MITF: variants seen among roughly 807,000 people sequenced by gnomAD.
MITF encodes the protein melanocyte inducing transcription factor.
In MITF, 17 loss-of-function variants were observed where a neutral mutation model predicts 60.5. That is an observed-to-expected ratio of 0.28 (90% confidence interval 0.19 to 0.42). The LOEUF is 0.42. Among genes scored for constraint, MITF ranks in the 10% least tolerant of loss-of-function variants. The pLI is 1.00. For synonymous variants in MITF, 260 were observed against 248.5 expected, an observed-to-expected ratio of 1.05 and a Z score of -0.43; for missense variants, 622 against 683.5, an observed-to-expected ratio of 0.91 and a Z score of 1.00.
chr3:69,743,817 G>A (rs1053360539), intron 1 of MITF, among the ~76,000 whole-genome samples: 3 of 152,164 alleles, frequency 2.0e-5, no homozygotes, highest in African/African-American at 7.2e-5. Flanking sequence ...TAGGAGCAGA[G>A]GAAGTCTCTA....
chr3:69,859,462 C>T (rs1235759834), intron 1 of MITF, among the ~76,000 whole-genome samples: 4 of 152,170 alleles, frequency 2.6e-5, no homozygotes, highest in Admixed American at 2.6e-4. Flanking sequence ...CTGGCTCCTC[C>T]TTGGACCAGA....
chr3:69,860,954 A>C (rs1334361533), intron 1 of MITF, among the ~76,000 whole-genome samples: 1 of 152,182 alleles, frequency 6.6e-6, no homozygotes, highest in East Asian at 1.9e-4. Context: ...AAAGAGATAA[A>C]CGTGAGTGAG....
chr3:69,896,215 G>A (rs550648871), intron 2 of MITF, among the ~76,000 whole-genome samples: 1 of 152,284 alleles, frequency 6.6e-6, no homozygotes, highest in South Asian at 2.1e-4. Context: ...AATGCTTGAA[G>A]TAGTCAAAGA....
chr3:69,954,278 C>T (rs2066342891), intron 7 of MITF, among the ~76,000 whole-genome samples: 1 of 152,064 alleles, frequency 6.6e-6, no homozygotes, highest in Admixed American at 6.6e-5. Context: ...GTACTATGTG[C>T]CAGATGCACA....
In MITF at chr3:69,946,196, T is replaced by A. The variant is rs531350850; in HGVS notation, c.763-2855T>A. 9.9e-5 allele frequency among the ~76,000 whole-genome samples: 15 copies of A among 152,284 alleles called. 1 individual carries two copies. The highest frequency in any genetic ancestry group is 3.4e-4 in the African/African-American group (14 of 41,560). On this transcript the variant is annotated intron_variant, in intron 5 of 9. Coordinates refer to ENST00000352241, the MANE Select transcript of MITF (RefSeq NM_001354604.2). Reference sequence around the variant, plus strand: ...TGAGAAGAATGTTGTCACTTTTCAATTGGAGACACTAAGCCTCAGAGAACT... The same window carrying A: ...TGAGAAGAATGTTGTCACTTTTCAAATGGAGACACTAAGCCTCAGAGAACT...
intron 1 of MITF, among the ~76,000 whole-genome samples, chr3:69,743,155 G>A (rs1179746437): frequency 6.6e-6 from 1 of 152,062 alleles, no homozygotes; most frequent in Non-Finnish European, 1.5e-5. Flanking sequence ...AGCATCCCTG[G>A]CCTCTATCTA....
intron 2 of MITF, chr3:69,937,145 A>G (rs181332288): frequency 5.5e-6 from 1 of 181,856 alleles, no homozygotes; most frequent in East Asian, 1.5e-4. Flanking sequence ...TGGCTTGTTA[A>G]TAGTCATGTC....
At chr3:69,904,048 C>T (rs915961646) in intron 2 of MITF, among the ~76,000 whole-genome samples, 1 of 152,050 alleles carries the variant, frequency 6.6e-6, no homozygotes, top group African/African-American at 2.4e-5. Context: ...ATAATTTTTA[C>T]CACAAATTCT....
In MITF at chr3:69,879,143, C is replaced by G. The variant is rs374097282; in HGVS notation, c.114C>G (p.Ala38=). The stretch of plus-strand genomic sequence containing the variant: ...TTTGGTTTTCCCACAGCAGTTCCGC[C>G]GAGCATCCTGGGGCCTCCAAGCCTC... ...KSQPLKSSSS[A]EHPGASKPPI... is the part of the protein sequence containing the mutation. The change falls in exon 2 of 10, where the codon GCC becomes GCG. Residue 38 remains alanine, a synonymous_variant. Transcript: ENST00000352241. The G allele has an allele frequency of 6.2e-7, 1 of 1,614,182 alleles. No individual in the cohort carries two copies. The highest frequency in any genetic ancestry group is 8.5e-7 in the Non-Finnish European group (1 of 1,180,020).
At position 69,968,330 on chromosome 3, in the gene MITF, T is replaced by C. The variant is rs1426640312; in HGVS notation, c.*3082T>C. 4.4e-6 allele frequency: 1 copy of C among 225,798 alleles called. No homozygotes were observed. The highest frequency in any genetic ancestry group is 2.2e-5 in the African/African-American group (1 of 44,940). 14.0% of individuals were successfully genotyped at this position (225,798 alleles called of 1,614,324 possible). A position where few individuals can be genotyped will look rare whatever the true frequency, so the allele number is the denominator to read the frequency against. On this transcript the variant is annotated 3_prime_UTR_variant, in exon 10 of 10. Transcript: ENST00000352241. ...TAGCCTCATTAAAGCATTTGGTTTTTCACATAGTGGTGGCCTATTGTGTTA... is the reference window on the plus strand; with the variant it reads ...TAGCCTCATTAAAGCATTTGGTTTTCCACATAGTGGTGGCCTATTGTGTTA...
At chr3:69,869,516 G>A (rs1349750954) in intron 1 of MITF, among the ~76,000 whole-genome samples, 2 of 152,140 alleles carry the variant, frequency 1.3e-5, no homozygotes, top group Non-Finnish European at 2.9e-5. Context: ...AGGCGAGCTG[G>A]GACATGAGCC....
chr3:69,923,930 G>A (rs953070558), intron 2 of MITF, among the ~76,000 whole-genome samples: 1 of 151,768 alleles, frequency 6.6e-6, no homozygotes, highest in African/African-American at 2.4e-5. Flanking sequence ...TTTTGGCAAA[G>A]TACTTTTTAT....
At chr3:69,887,781 G>T (rs1200556520) in intron 2 of MITF, among the ~76,000 whole-genome samples, 2 of 151,958 alleles carry the variant, frequency 1.3e-5, no homozygotes, top group Non-Finnish European at 2.9e-5. Flanking sequence ...TGGAAGCGGT[G>T]GTGGTCAAAG....
In MITF at chr3:69,964,998, G is replaced by T. The variant is rs760057624; in HGVS notation, c.1331G>T (p.Cys444Phe). ...DLLQHHADLT[C>F]TTTLDLTDGT... is the part of the protein sequence containing the mutation. ...CTTCAGCATCATGCAGACCTAACCT[G>T]TACAACAACTCTCGATCTCACGGAT... Residue 444 changes from cysteine to phenylalanine, a missense_variant, in exon 10 of 10, where the codon TGT (cysteine) becomes TTT (phenylalanine). Cys to Phe is a radical substitution (Grantham distance 205, BLOSUM62 -2). Around this residue, in one of 5 missense-constraint regions of MITF, gnomAD observed 224 missense variants for 209.5 expected, o/e 1.07. Transcript: ENST00000352241. 15 of 1,613,918 alleles carry T rather than the reference G, an allele frequency of 9.3e-6. No individual in the cohort carries two copies. The highest frequency in any genetic ancestry group is 1.7e-5 in the Admixed American group (1 of 59,992).
chr3:69,835,015 CTTTTTTTTTT>C (rs142347719), intron 1 of MITF, among the ~76,000 whole-genome samples: 1 of 68,536 alleles, frequency 1.5e-5, no homozygotes, highest in African/African-American at 5.4e-5. Context: ...GCTCTTTTAC[CTTTTTTTTTT>C]TTTTTTTTTT....
intron 2 of MITF, among the ~76,000 whole-genome samples, chr3:69,919,136 A>ATT (rs2107420710): frequency 6.6e-6 from 1 of 152,300 alleles, no homozygotes; most frequent in East Asian, 1.9e-4. Context: ...AAACACTTAA[A>ATT]TTCAGCCACC....
intron 2 of MITF, among the ~76,000 whole-genome samples, chr3:69,922,981 T>A (rs370646599): frequency 6.6e-6 from 1 of 152,340 alleles, no homozygotes; most frequent in African/African-American, 2.4e-5. Context: ...GCTGATTCTG[T>A]TCACTTTGGA....
chr3:69,864,438 C>T (rs566287792), intron 1 of MITF, among the ~76,000 whole-genome samples: 8 of 152,292 alleles, frequency 5.3e-5, no homozygotes, highest in South Asian at 2.1e-4. Flanking sequence ...CTCCTCTAAT[C>T]GTATTTATTG....
intron 2 of MITF, among the ~76,000 whole-genome samples, chr3:69,914,338 T>C (rs1029225864): frequency 3.9e-5 from 6 of 152,160 alleles, no homozygotes; most frequent in African/African-American, 1.4e-4. Context: ...GCCAGGCTGG[T>C]CTTGAACTCT....
Sources: allele counts gnomAD v4.1 joint callset (sites outside exome capture counted in the v4.1 genomes callset), GRCh38; gene constraint gnomAD v4.1.1; regional missense constraint gnomAD v4.1.1; transcripts MANE v1.5; gene names NCBI Gene and HGNC (gene_info 2026-07-23, HGNC 2026-07-21).